SIAH3: variants seen among roughly 807,000 people sequenced by gnomAD.
The protein encoded by SIAH3 is seven in absentia homolog 3.
In SIAH3, 9 loss-of-function variants were observed where a neutral mutation model predicts 12.6. The ratio of observed to expected loss-of-function variants is 0.72; its 90% confidence interval spans 0.43 to 1.25. SIAH3 has a LOEUF of 1.25. Ranked by LOEUF, SIAH3 falls within the 50% of genes most tolerant of loss-of-function variation. The pLI, the probability that SIAH3 is intolerant of heterozygous loss-of-function variation, is 0.00. For synonymous variants in SIAH3, 154 were observed against 151.1 expected, an observed-to-expected ratio of 1.02 and a Z score of -0.14; for missense variants, 390 against 365.4, an observed-to-expected ratio of 1.07 and a Z score of -0.55.
At chr13:45,824,140 G>A (rs955962401) in intron 1 of SIAH3, among the ~76,000 whole-genome samples, 4 of 152,254 alleles carry the variant, frequency 2.6e-5, no homozygotes, top group East Asian at 3.9e-4. Flanking sequence ...TTTACAACCC[G>A]TTTTACATAC....
chr13:45,829,685 C>A (rs1950691537), intron 1 of SIAH3, among the ~76,000 whole-genome samples: 1 of 152,180 alleles, frequency 6.6e-6, no homozygotes, highest in Admixed American at 6.5e-5. Flanking sequence ...CTCCCGCCCC[C>A]AGAGATAACC....
intron 1 of SIAH3, among the ~76,000 whole-genome samples, chr13:45,820,718 T>G (rs2137570107): frequency 6.6e-6 from 1 of 152,278 alleles, no homozygotes; most frequent in East Asian, 1.9e-4. Context: ...TGGCTGCTTC[T>G]GCAGTTTCTG....
In SIAH3 at chr13:45,777,445, A is replaced by G. The variant is rs1402844565; in HGVS notation, c.*5938T>C. 6.6e-6 allele frequency: 1 copy of G among 152,204 alleles called. No homozygotes were observed. The highest frequency in any genetic ancestry group is 1.5e-5 in the Non-Finnish European group (1 of 68,048). The allele number at this position is 152,204 out of a possible 1,614,324, so 9.4% of individuals were successfully genotyped here. On this transcript the variant is annotated 3_prime_UTR_variant, in exon 2 of 2. Coordinates refer to ENST00000400405, the MANE Select transcript of SIAH3 (RefSeq NM_198849.3). ...CTCAATACCCTAAAAAAAAGACTGA[A>G]AAAGGTTGAGGAGTATTTATAGTAT...
chr13:45,808,061 C>G (rs1400694065), intron 1 of SIAH3, among the ~76,000 whole-genome samples: 1 of 151,972 alleles, frequency 6.6e-6, no homozygotes, highest in East Asian at 1.9e-4. Context: ...AAACCTCTTC[C>G]CAACTTCATG....
chr13:45,784,266 A>T (rs948038679), intron 1 of SIAH3, among the ~76,000 whole-genome samples: 3 of 152,152 alleles, frequency 2.0e-5, no homozygotes, highest in Non-Finnish European at 4.4e-5. Flanking sequence ...TGAGATTCTG[A>T]AAAGTCAGTC....
chr13:45,794,901 T>C (rs1402593837), intron 1 of SIAH3, among the ~76,000 whole-genome samples: 1 of 151,564 alleles, frequency 6.6e-6, no homozygotes, highest in Non-Finnish European at 1.5e-5. Context: ...ATAAAAACAC[T>C]AATGTCCTTC....
intron 1 of SIAH3, among the ~76,000 whole-genome samples, chr13:45,788,488 G>T (rs915834083): frequency 1.3e-5 from 2 of 152,200 alleles, no homozygotes; most frequent in Non-Finnish European, 2.9e-5. Context: ...TTAACCTTTA[G>T]AATAATGCGC....
Position 45,803,669 on chromosome 13 carries a change from A to G in SIAH3, c.136-19612T>C, listed in dbSNP as rs556062755. 9.8e-5 allele frequency among the ~76,000 whole-genome samples: 15 copies of G among 152,346 alleles called. No individual in the cohort carries two copies. In the South Asian group the frequency reaches 2.3e-3, roughly 23 times the overall value. ...ATAGTTCAGCAATCCTGGAAGGTCA[A>G]GGTAGTTGATGTCCAGGTGGGTGAG... On this transcript the variant is annotated intron_variant, in intron 1 of 1. Coordinates refer to ENST00000400405, the MANE Select transcript of SIAH3 (RefSeq NM_198849.3).
At position 45,840,089 on chromosome 13, in the gene SIAH3, C is replaced by G. The variant is rs149851117; in HGVS notation, c.135+11406G>C. ...CCTGGCCAACATGGTGAAACCCCAT[C>G]TCTGCTAAAAATACAAAAATTAGCT... On this transcript the variant is annotated intron_variant, in intron 1 of 1. Transcript: ENST00000400405. 4.6e-5 allele frequency among the ~76,000 whole-genome samples: 7 copies of G among 152,266 alleles called. No individual in the cohort carries two copies. The South Asian group carries it at 1.2e-3, about 27-fold the overall frequency.
intron 1 of SIAH3, among the ~76,000 whole-genome samples, chr13:45,822,806 T>C (rs1333764581): frequency 2.0e-5 from 3 of 152,048 alleles, no homozygotes; most frequent in African/African-American, 7.2e-5. Context: ...GAAACGGAGC[T>C]GGTTTTAAAG....
At chr13:45,813,484 T>C (rs1950623443) in intron 1 of SIAH3, among the ~76,000 whole-genome samples, 1 of 152,234 alleles carries the variant, frequency 6.6e-6, no homozygotes, top group South Asian at 2.1e-4. Flanking sequence ...GAGTCATTCA[T>C]TCTTTCATTC....
intron 1 of SIAH3, among the ~76,000 whole-genome samples, chr13:45,811,489 G>T (rs1566091514): frequency 2.0e-5 from 3 of 152,056 alleles, no homozygotes; most frequent in South Asian, 2.1e-4. Context: ...TTGAGACACG[G>T]TCTTATTCTG....
In SIAH3 at chr13:45,799,548, G is replaced by T. The variant is rs190162465; in HGVS notation, c.136-15491C>A. On this transcript the variant is annotated intron_variant, in intron 1 of 1. Coordinates refer to ENST00000400405, the MANE Select transcript of SIAH3 (RefSeq NM_198849.3). Reference sequence around the variant, plus strand: ...ATCCTCGTGTGGCCTCCAGGAGGTGGGTATCATTATCACAAGTAGTTTGTA... The same window carrying T: ...ATCCTCGTGTGGCCTCCAGGAGGTGTGTATCATTATCACAAGTAGTTTGTA... Among the ~76,000 whole-genome samples, 126 of 152,214 alleles carry T rather than the reference G, an allele frequency of 8.3e-4. No homozygotes were observed. The Middle Eastern group carries it at 0.01, about 12-fold the overall frequency.
intron 1 of SIAH3, among the ~76,000 whole-genome samples, chr13:45,844,979 C>T (rs1033138244): frequency 2.0e-5 from 3 of 152,168 alleles, no homozygotes; most frequent in African/African-American, 7.2e-5. Context: ...ACAAGTGCAA[C>T]GACTGTTTCG....
chr13:45,810,812 G>T (rs9534225), intron 1 of SIAH3, among the ~76,000 whole-genome samples: 54,904 of 152,046 alleles, frequency 0.36, 10,602 homozygotes, highest in Non-Finnish European at 0.41. Flanking sequence ...GTGCATTGTT[G>T]CCATGGACCT....
chr13:45,779,790 A>T lies in SIAH3; in HGVS notation c.*3593T>A, dbSNP rs1213631322. On this transcript the variant is annotated 3_prime_UTR_variant, in exon 2 of 2. Transcript: ENST00000400405. ...GAGTACTATTATGGTTACTATGCTG[A>T]TCTATTCCTAAAATGTCCAGAGTAG... 1.3e-5 allele frequency: 2 copies of T among 152,214 alleles called. No homozygotes were observed. 9.4% of individuals were successfully genotyped at this position (152,214 alleles called of 1,614,324 possible).
chr13:45,783,666 C>T lies in SIAH3; in HGVS notation c.527G>A (p.Arg176Lys). 1 of 1,614,114 alleles carries T rather than the reference C, an allele frequency of 6.2e-7. No homozygotes were observed. Among genetic ancestry groups the T allele is most frequent in the Non-Finnish European group, 8.5e-7 (1 of 1,179,988 alleles). The change falls in exon 2 of 2, where the codon AGG becomes AAG. Residue 176 changes from arginine to lysine, a missense_variant. Physicochemically the swap from Arg to Lys is conservative, Grantham distance 26 (BLOSUM62 2). Coordinates refer to ENST00000400405, the MANE Select transcript of SIAH3 (RefSeq NM_198849.3). ...AAAGAACTGGGGGTGCCCTTCATGC[C>T]TCTCCTGTTTCCTCAGCACCAACAG... is the stretch of plus-strand genomic sequence containing the variant. ...HFLLVLRKQE[R>K]HEGHPQFFAT...
chr13:45,797,942 C>G (rs1323243803), intron 1 of SIAH3, among the ~76,000 whole-genome samples: 2 of 152,198 alleles, frequency 1.3e-5, no homozygotes, highest in Non-Finnish European at 2.9e-5. Context: ...TAGGGCTGCC[C>G]TATTCCAGGG....
At chr13:45,841,064 G>A (rs1019660173) in intron 1 of SIAH3, among the ~76,000 whole-genome samples, 2 of 152,074 alleles carry the variant, frequency 1.3e-5, no homozygotes, top group Non-Finnish European at 2.9e-5. Flanking sequence ...TAACTAATAC[G>A]GTAGAAAACT....
Sources: allele counts gnomAD v4.1 joint callset (sites outside exome capture counted in the v4.1 genomes callset), GRCh38; gene constraint gnomAD v4.1.1; transcripts MANE v1.5; gene names NCBI Gene and HGNC (gene_info 2026-07-23, HGNC 2026-07-21).